The following ENTHD1 variants were observed in gnomAD, a reference collection of about 807,000 sequenced individuals.
ENTHD1 encodes ENTH domain containing 1.
A neutral mutation model predicts 39.1 loss-of-function variants in ENTHD1; 23 were observed. The ratio of observed to expected loss-of-function variants is 0.59; its 90% confidence interval spans 0.42 to 0.83. The LOEUF (loss-of-function observed/expected upper bound fraction) is 0.83. Among genes scored for constraint, ENTHD1 ranks in the 40% least tolerant of loss-of-function variants. The probability of loss-of-function intolerance (pLI) is 0.00; values close to 1 mark genes in which losing one functional copy is unlikely to be tolerated. For missense variants in ENTHD1, 624 were observed against 705.4 expected (o/e 0.88, Z 1.31); for synonymous variants, 230 against 258.2 (o/e 0.89, Z 1.05).
chr22:39,765,796 C>T (rs970944388), intron 5 of ENTHD1, among the ~76,000 whole-genome samples, 187 bp from the exon 6 acceptor site: 29 of 151,888 alleles, frequency 1.9e-4, no homozygotes, highest in Non-Finnish European at 2.8e-4. Flanking sequence ...CTATAATTGA[C>T]GCCTTAGTCA....
chr22:39,835,187 T>G (rs986751626), intron 4 of ENTHD1, among the ~76,000 whole-genome samples: 13 of 152,086 alleles, frequency 8.5e-5, no homozygotes, highest in Non-Finnish European at 1.6e-4. Context: ...TATACCAATA[T>G]CCGTTTTCTG....
At chr22:39,859,103 C>T (rs911621016) in intron 3 of ENTHD1, among the ~76,000 whole-genome samples, 2 of 152,186 alleles carry the variant, frequency 1.3e-5, no homozygotes, top group African/African-American at 4.8e-5. Flanking sequence ...TTCCTTGAAC[C>T]TCATGAACCC....
Position 39,773,798 on chromosome 22 carries a change from A to G in ENTHD1, c.833-8189T>C, listed in dbSNP as rs556610738. Among the ~76,000 whole-genome samples, 7 of 152,356 alleles carry G rather than the reference A, an allele frequency of 4.6e-5. No individual in the cohort carries two copies. In the South Asian group the frequency reaches 6.2e-4, roughly 14 times the overall value. On this transcript the variant is annotated intron_variant, in intron 5 of 6. Transcript: ENST00000325157. ...TTAATACCAAAACAAGTACTAAGCA[A>G]CTACAAATTTAGGCATTGCTTTAGG...
At chr22:39,815,376 G>C (rs1013083189) in intron 5 of ENTHD1, among the ~76,000 whole-genome samples, 7 of 151,794 alleles carry the variant, frequency 4.6e-5, no homozygotes, top group Non-Finnish European at 1.0e-4. Context: ...CTGGGAGGTA[G>C]AGGTTGCAGT....
At chr22:39,832,533 G>A (rs1431892107) in intron 4 of ENTHD1, among the ~76,000 whole-genome samples, 1 of 152,244 alleles carries the variant, frequency 6.6e-6, no homozygotes, top group East Asian at 1.9e-4. Flanking sequence ...AGGAGATGGA[G>A]GAAAAGTAAT....
At position 39,861,916 on chromosome 22, in the gene ENTHD1, A is replaced by C; in HGVS notation, c.441T>G (p.Thr147=). Residue 147 remains threonine (T), a synonymous_variant, in exon 3 of 7, where the codon ACT becomes ACG. Transcript: ENST00000325157. ...ATATAGAGTGGGAGGTACGCTGTCT[A>C]GTCCGACATGCCACTTCCCTCTCTT... ...LCKEREVACR[T]RQRTSHSILF... The C allele has an allele frequency of 2.5e-6, 4 of 1,602,258 alleles. No homozygotes were observed. In the South Asian group the frequency reaches 3.4e-5, roughly 13 times the overall value.
At chr22:39,803,789 T>A (rs565444761) in intron 5 of ENTHD1, among the ~76,000 whole-genome samples, 3 of 152,306 alleles carry the variant, frequency 2.0e-5, no homozygotes, top group South Asian at 2.1e-4. Flanking sequence ...ATAGCAATAC[T>A]TCTCATCAGT....
intron 2 of ENTHD1, chr22:39,874,420 C>A (rs2066269830): frequency 6.6e-6 from 1 of 152,154 alleles, no homozygotes; most frequent in African/African-American, 2.4e-5. Flanking sequence ...AAAGGTCATC[C>A]TCTTTGACCA....
At chr22:39,831,758 G>A (rs775948405) in intron 4 of ENTHD1, among the ~76,000 whole-genome samples, 9 of 151,768 alleles carry the variant, frequency 5.9e-5, no homozygotes, top group Non-Finnish European at 1.2e-4. Context: ...CCCCAGAGGC[G>A]GAGGTTGCAG....
intron 2 of ENTHD1, among the ~76,000 whole-genome samples, chr22:39,878,027 T>A (rs191286668): frequency 3.3e-4 from 49 of 150,442 alleles, no homozygotes; most frequent in Middle Eastern, 6.8e-3. Context: ...AAAATAACTA[T>A]GATTAATATG....
At chr22:39,872,373 G>A (rs1207090644) in intron 2 of ENTHD1, among the ~76,000 whole-genome samples, 1 of 152,052 alleles carries the variant, frequency 6.6e-6, no homozygotes, top group Non-Finnish European at 1.5e-5. Context: ...CCTTGAAAAG[G>A]AAGACCTCAG....
chr22:39,755,172 C>T lies in ENTHD1; in HGVS notation c.1219+10051G>A, dbSNP rs111461817. The stretch of plus-strand genomic sequence containing the variant: ...AATATTAATATATTAAATAACTTAG[C>T]ACATATGCAGTCAACTAGAATGACA... On this transcript the variant is annotated intron_variant, in intron 6 of 6. Coordinates refer to ENST00000325157, the MANE Select transcript of ENTHD1 (RefSeq NM_152512.4). Among the ~76,000 whole-genome samples the T allele has an allele frequency of 3.9e-4, 59 of 152,246 alleles. 1 individual carries two copies. The highest frequency in any genetic ancestry group is 1.3e-3 in the African/African-American group (56 of 41,540).
intron 5 of ENTHD1, among the ~76,000 whole-genome samples, chr22:39,805,423 G>A (rs909111299): frequency 2.6e-5 from 4 of 152,192 alleles, no homozygotes; most frequent in Admixed American, 6.5e-5. Flanking sequence ...TTAGCTGAGC[G>A]AGGGTGGCAG....
chr22:39,752,020 TTCTC>T (rs1293442306), intron 6 of ENTHD1, among the ~76,000 whole-genome samples: 5 of 152,124 alleles, frequency 3.3e-5, no homozygotes, highest in African/African-American at 1.2e-4. Flanking sequence ...GCATATCTAT[TTCTC>T]TATCTCTATA....
chr22:39,873,597 T>C (rs188277570), intron 2 of ENTHD1, among the ~76,000 whole-genome samples: 1 of 152,360 alleles, frequency 6.6e-6, no homozygotes, highest in East Asian at 1.9e-4. Context: ...TCTCTGAGCT[T>C]TGCCTCCAAG....
At chr22:39,766,588 T>A (rs1335712728) in intron 5 of ENTHD1, among the ~76,000 whole-genome samples, 4 of 152,186 alleles carry the variant, frequency 2.6e-5, no homozygotes, top group Non-Finnish European at 5.9e-5. Flanking sequence ...GAAGAGGCTA[T>A]CTTTCGAAGC....
Position 39,818,963 on chromosome 22 carries a change from G to C in ENTHD1, c.832+2030C>G, listed in dbSNP as rs185661328. On this transcript the variant is annotated intron_variant, in intron 5 of 6. Coordinates refer to ENST00000325157, the MANE Select transcript of ENTHD1 (RefSeq NM_152512.4). ...TCATAACTGCCAAAACTGCAACCAAGATATCCTTCAGTAGGTGAATGGATA... is the reference window on the plus strand; with the variant it reads ...TCATAACTGCCAAAACTGCAACCAACATATCCTTCAGTAGGTGAATGGATA... Among the ~76,000 whole-genome samples the C allele has an allele frequency of 1.2e-4, 18 of 152,346 alleles. No homozygotes were observed. The East Asian group carries it at 3.5e-3, about 29-fold the overall frequency.
intron 2 of ENTHD1, 70 bp downstream of exon 2, chr22:39,887,330 G>A (rs2066386530): frequency 7.3e-7 from 1 of 1,366,278 alleles, no homozygotes; most frequent in African/African-American, 1.5e-5. Context: ...TCCCACCTCA[G>A]CCTCCCATGC....
chr22:39,820,317 T>C (rs2065773183), intron 5 of ENTHD1, among the ~76,000 whole-genome samples: 1 of 152,188 alleles, frequency 6.6e-6, no homozygotes, highest in Non-Finnish European at 1.5e-5. Context: ...CCTGTATGAA[T>C]ATAAAAGCAA....
Sources: allele counts gnomAD v4.1 joint callset (sites outside exome capture counted in the v4.1 genomes callset), GRCh38; gene constraint gnomAD v4.1.1; transcripts MANE v1.5; gene names NCBI Gene and HGNC (gene_info 2026-07-23, HGNC 2026-07-21).